Variants in SIDT1 observed in about 807,000 individuals in gnomAD.
The protein encoded by SIDT1 is SID1 transmembrane family, member 1.
A neutral mutation model predicts 107.5 loss-of-function variants in SIDT1; 101 were observed. That is an observed-to-expected ratio of 0.94 (90% CI 0.80 to 1.11). SIDT1 has a LOEUF of 1.11. Among genes scored for constraint, SIDT1 ranks in the 50% least tolerant of loss-of-function variants. The pLI is 0.00. For synonymous variants in SIDT1, 395 were observed against 398.2 expected (o/e 0.99, Z 0.10); for missense variants, 1,076 against 1,058.2 (o/e 1.02, Z -0.23).
intron 3 of SIDT1, among the ~76,000 whole-genome samples, chr3:113,574,961 G>A (rs1288977774): frequency 6.6e-6 from 1 of 152,116 alleles, no homozygotes; most frequent in Non-Finnish European, 1.5e-5. Flanking sequence ...GGGTTCATGT[G>A]GAAGGAAGCA....
chr3:113,536,937 G>T (rs1191890953), intron 1 of SIDT1, among the ~76,000 whole-genome samples: 1 of 152,224 alleles, frequency 6.6e-6, no homozygotes, highest in Admixed American at 6.5e-5. Flanking sequence ...GCTCAGCCAG[G>T]CTAGAAGGAA....
At chr3:113,575,770 A>T (rs1378005767) in intron 3 of SIDT1, among the ~76,000 whole-genome samples, 1 of 152,232 alleles carries the variant, frequency 6.6e-6, no homozygotes, top group Non-Finnish European at 1.5e-5. Context: ...TTCTAAAGAA[A>T]TCATTACTTT....
At chr3:113,595,711 A>C (rs777454478) in intron 10 of SIDT1, among the ~76,000 whole-genome samples, 1 of 152,208 alleles carries the variant, frequency 6.6e-6, no homozygotes, top group Non-Finnish European at 1.5e-5. Flanking sequence ...CTTAGGTAAG[A>C]AGTAGGGAAT....
chr3:113,623,695 G>A lies in SIDT1; in HGVS notation c.2269G>A (p.Ala757Thr), dbSNP rs780445090. 13 of 1,613,888 alleles carry A rather than the reference G, an allele frequency of 8.1e-6. No individual in the cohort carries two copies. Among genetic ancestry groups the A allele is most frequent in the South Asian group, 2.2e-5 (2 of 91,090 alleles). ...GGCCACCGCTGTGATGTGGGCTGCC[G>A]CCCTATATTTTTTCTTCCAGAATCT... The part of the protein sequence containing the change: ...IVATAVMWAA[A>T]LYFFFQNLSS... The change falls in exon 23 of 25, where the codon GCC becomes ACC. Residue 757 changes from alanine to threonine, a missense_variant. Ala to Thr is a moderately conservative substitution (Grantham distance 58). Coordinates refer to ENST00000264852, the MANE Select transcript of SIDT1 (RefSeq NM_017699.3).
intron 17 of SIDT1, among the ~76,000 whole-genome samples, chr3:113,609,568 T>C (rs942997760): frequency 2.6e-5 from 4 of 152,140 alleles, no homozygotes; most frequent in Non-Finnish European, 4.4e-5. Context: ...TGAGTTAATA[T>C]TGAGATGTTA....
chr3:113,581,520 A>C, intron 6 of SIDT1, 76 bp downstream of exon 6: 1 of 1,167,072 alleles, frequency 8.6e-7, no homozygotes, highest in East Asian at 2.3e-5. Flanking sequence ...GCCAGCATCC[A>C]AAAGGGATGG....
At chr3:113,551,541 T>C (rs1490483173) in intron 1 of SIDT1, among the ~76,000 whole-genome samples, 1 of 152,218 alleles carries the variant, frequency 6.6e-6, no homozygotes, top group Non-Finnish European at 1.5e-5. Context: ...ACAAAAATAA[T>C]TTTTAAATAT....
chr3:113,578,753 G>A (rs1193435430), intron 4 of SIDT1, among the ~76,000 whole-genome samples: 2 of 152,110 alleles, frequency 1.3e-5, no homozygotes, highest in Admixed American at 6.5e-5. Context: ...TTCTCAGGAG[G>A]CTGAGGCAGA....
intron 10 of SIDT1, among the ~76,000 whole-genome samples, chr3:113,601,184 T>C (rs1395499691): frequency 1.3e-5 from 2 of 152,200 alleles, no homozygotes; most frequent in African/African-American, 4.8e-5. Context: ...AATGGACACA[T>C]AAAAAATTTA....
chr3:113,606,311 T>C (rs890909701), intron 14 of SIDT1: 5 of 152,194 alleles, frequency 3.3e-5, no homozygotes, highest in African/African-American at 1.2e-4. Flanking sequence ...AATCCCAGTG[T>C]CCAGGCTGTA....
chr3:113,580,693 C>G lies in SIDT1; in HGVS notation c.647C>G (p.Ser216Ter). Residue 216 changes from serine to a stop codon, truncating the protein, a stop_gained, in exon 5 of 25, where the codon TCA becomes TGA. Coordinates refer to ENST00000264852, the MANE Select transcript of SIDT1 (RefSeq NM_017699.3). LOFTEE classifies it high-confidence loss of function. ...ATGGCTTATCCATGTTCTGTTGTCT[C>G]AGTCCAGAATATCATGGTGAGTGCT... ...SEMAYPCSVV[S>*]VQNIMCPVYD... The G allele has an allele frequency of 1.2e-6, 2 of 1,609,530 alleles. No individual in the cohort carries two copies. The highest frequency in any genetic ancestry group is 2.2e-5 in the South Asian group (2 of 90,968).
chr3:113,634,582 G>A, the SIDT1 span, among the ~76,000 whole-genome samples: 1 of 152,142 alleles, frequency 6.6e-6, no homozygotes, highest in African/African-American at 2.4e-5. Flanking sequence ...GATCACCTGA[G>A]GTCAGTAGTT....
At chr3:113,540,730 A>G (rs1274552685) in intron 1 of SIDT1, among the ~76,000 whole-genome samples, 4 of 152,152 alleles carry the variant, frequency 2.6e-5, no homozygotes, top group African/African-American at 9.7e-5. Flanking sequence ...TCTACAAGTA[A>G]CCATTAAAAA....
At chr3:113,609,337 A>T (rs1486175284) in intron 17 of SIDT1, among the ~76,000 whole-genome samples, 1 of 152,058 alleles carries the variant, frequency 6.6e-6, no homozygotes, top group Non-Finnish European at 1.5e-5. Flanking sequence ...AAGTGCTGGG[A>T]TTACAGGCGT....
At chr3:113,607,138 C>A in intron 15 of SIDT1, 24 bp downstream of exon 15, 2 of 1,501,028 alleles carry the variant, frequency 1.3e-6, no homozygotes, top group Non-Finnish European at 1.8e-6. Flanking sequence ...TCTGGTTGCC[C>A]ATGAGGCATT....
chr3:113,559,331 C>A (rs1941199779), intron 1 of SIDT1, among the ~76,000 whole-genome samples: 1 of 152,218 alleles, frequency 6.6e-6, no homozygotes, highest in African/African-American at 2.4e-5. Flanking sequence ...TATTTCTCTA[C>A]ATGTTGCAAA....
At chr3:113,565,047 A>G (rs908308616) in intron 1 of SIDT1, among the ~76,000 whole-genome samples, 5 of 152,214 alleles carry the variant, frequency 3.3e-5, no homozygotes, top group African/African-American at 7.2e-5. Context: ...GCGATAGATC[A>G]TTAGGGCTTA....
intron 1 of SIDT1, among the ~76,000 whole-genome samples, chr3:113,554,836 G>A (rs561784566): frequency 6.5e-4 from 99 of 151,834 alleles, no homozygotes; most frequent in South Asian, 1.9e-3. Flanking sequence ...CCAAGCTCAG[G>A]CATGGGCATG....
At chr3:113,618,187 T>G (rs772214425) in intron 20 of SIDT1, among the ~76,000 whole-genome samples, 8 of 152,198 alleles carry the variant, frequency 5.3e-5, no homozygotes, top group Non-Finnish European at 1.2e-4. Flanking sequence ...TATAGCCATT[T>G]CATACTGCCT....
Sources: gnomAD v4.1 joint callset for allele counts (sites outside exome capture counted in the v4.1 genomes callset) on GRCh38, gnomAD v4.1.1 for gene constraint, MANE v1.5 for transcripts, NCBI Gene and HGNC (gene_info 2026-07-23, HGNC 2026-07-21) for gene names.